The following DISP1 variants were observed in gnomAD, a reference collection of about 807,000 sequenced individuals.
DISP1 encodes the protein dispatched RND transporter family member 1, also known as protein dispatched homolog 1.
Under a neutral mutation model 37.3 loss-of-function variants are expected in DISP1, and 30 were observed. The ratio of observed to expected loss-of-function variants is 0.80; its 90% CI spans 0.60 to 1.09. The LOEUF (loss-of-function observed/expected upper bound fraction) is 1.09, where lower values mean the gene tolerates loss of function less well. DISP1 is among the 50% of genes least tolerant of loss of function. The pLI is 0.00. For synonymous variants in DISP1, 634 were observed against 690.2 expected, an observed-to-expected ratio of 0.92 and a Z score of 1.28; for missense variants, 1,598 against 1,879.5, an observed-to-expected ratio of 0.85 and a Z score of 2.77.
At chr1:222,890,788 A>G (rs377616616) in intron 1 of DISP1, among the ~76,000 whole-genome samples, 1 of 152,146 alleles carries the variant, frequency 6.6e-6, no homozygotes, top group East Asian at 1.9e-4. Flanking sequence ...CCTCTCTCTT[A>G]TCTTCTGGTG....
intron 8 of DISP1, among the ~76,000 whole-genome samples, chr1:222,997,034 GTC>G (rs146684085): frequency 0.011 from 1,669 of 149,304 alleles, 23 homozygotes; most frequent in South Asian, 0.062. Flanking sequence ...CTCTCTCTCT[GTC>G]TCTCTCTCTC....
rs1038547052 is a variant in DISP1 at position 223,002,468 on chromosome 1, C to T, written c.1071C>T (p.Tyr357=). The T allele has an allele frequency of 6.2e-7, 1 of 1,614,060 alleles. No homozygotes were observed. Among genetic ancestry groups the T allele is most frequent in the Non-Finnish European group, 8.5e-7 (1 of 1,180,042 alleles). The change falls in exon 9 of 9, where the codon TAC becomes TAT. Residue 357 remains tyrosine, a synonymous_variant. Transcript: ENST00000675850. ...SCCPSWTLGN[Y]IAILNNRSSC... is the part of the protein sequence containing the mutation. ...GCCCCAGCTGGACACTGGGAAACTA[C>T]ATCGCCATTCTGAACAATAGATCGT...
At chr1:222,979,352 A>G (rs946505) in intron 3 of DISP1, among the ~76,000 whole-genome samples, 148,860 of 152,212 alleles carry the variant, frequency 0.98, 72,871 homozygotes, top group East Asian at 1. Context: ...AATTGAGACT[A>G]CAGTGAGCTG....
chr1:222,922,820 TAAG>T (rs1471499903), intron 1 of DISP1, among the ~76,000 whole-genome samples: 1 of 151,986 alleles, frequency 6.6e-6, no homozygotes, highest in Non-Finnish European at 1.5e-5. Flanking sequence ...ATAACAGAAT[TAAG>T]AAGATCTGCC....
rs574361388 is a variant in DISP1 at position 222,872,063 on chromosome 1, T to C, written c.-158-56367T>C. ...GAGATAATCATGTGGTTTTTGTCTT[T>C]GGTTCTGTTTATATGCTGGATTACG... On this transcript the variant is annotated intron_variant, in intron 1 of 8. Coordinates refer to ENST00000675850, the MANE Select transcript of DISP1 (RefSeq NM_001377229.1). 1.4e-3 allele frequency among the ~76,000 whole-genome samples: 212 copies of C among 152,324 alleles called. 2 individuals carry two copies. Among genetic ancestry groups the C allele is most frequent in the Admixed American group, 0.012 (178 of 15,294 alleles).
At chr1:222,876,473 T>C (rs1012176597) in intron 1 of DISP1, among the ~76,000 whole-genome samples, 4 of 152,152 alleles carry the variant, frequency 2.6e-5, no homozygotes, top group African/African-American at 9.7e-5. Flanking sequence ...GACAAAATGG[T>C]TCACTGCAGC....
At chr1:222,852,140 C>T (rs550440367) in intron 1 of DISP1, among the ~76,000 whole-genome samples, 27 of 151,820 alleles carry the variant, frequency 1.8e-4, no homozygotes, top group African/African-American at 6.0e-4. Flanking sequence ...GCCGAGATCG[C>T]GCCATCGCAC....
intron 1 of DISP1, chr1:222,899,947 T>C (rs1671491507): frequency 6.6e-6 from 1 of 152,094 alleles, no homozygotes; most frequent in Admixed American, 6.6e-5. Flanking sequence ...TAATGAAAAA[T>C]TTCTAAAAAA....
intron 1 of DISP1, among the ~76,000 whole-genome samples, chr1:222,878,033 C>G (rs563624513): frequency 1.3e-5 from 2 of 152,190 alleles, no homozygotes; most frequent in East Asian, 3.9e-4. Flanking sequence ...TTCTGTAGTC[C>G]CCATTGGGTA....
At chr1:222,963,235 G>A (rs984636873) in intron 3 of DISP1, among the ~76,000 whole-genome samples, 22 of 152,142 alleles carry the variant, frequency 1.4e-4, no homozygotes, top group African/African-American at 4.3e-4. Context: ...ACTGTCTCAC[G>A]CCAGTCAAAA....
In DISP1 at chr1:223,003,038, T is replaced by C; in HGVS notation, c.1641T>C (p.Arg547=). The C allele has an allele frequency of 2.5e-6, 4 of 1,614,150 alleles. No individual in the cohort carries two copies. Among genetic ancestry groups the C allele is most frequent in the Non-Finnish European group, 3.4e-6 (4 of 1,180,038 alleles). ...SSLIVSYFLY[R]VVFHFEFFPF... ...TGATTGTTTCCTATTTTCTCTATCGTGTAGTATTTCACTTCGAATTTTTTC... is the reference window on the plus strand; with the variant it reads ...TGATTGTTTCCTATTTTCTCTATCGCGTAGTATTTCACTTCGAATTTTTTC... The change falls in exon 9 of 9, where the codon CGT becomes CGC. Residue 547 remains arginine, a synonymous_variant. Transcript: ENST00000675850. This position sits in a 1 kb window ranked among gnomAD's most constrained non-coding sequence, Gnocchi z 4.3.
At chr1:222,824,141 C>T (rs36066427) in intron 1 of DISP1, among the ~76,000 whole-genome samples, 16,492 of 151,972 alleles carry the variant, frequency 0.11, 1,262 homozygotes, top group South Asian at 0.16. Context: ...ACTTATTTTA[C>T]CTTGTTTTTC....
chr1:222,872,709 T>A (rs1190190585), intron 1 of DISP1, among the ~76,000 whole-genome samples: 1 of 152,196 alleles, frequency 6.6e-6, no homozygotes, highest in Admixed American at 6.5e-5. Context: ...ATTTTGTTGA[T>A]CTTTTCAAAA....
intron 1 of DISP1, among the ~76,000 whole-genome samples, chr1:222,917,681 A>C (rs1355719313): frequency 3.9e-5 from 6 of 152,190 alleles, no homozygotes; most frequent in Non-Finnish European, 7.3e-5. Context: ...GGAGGATGAA[A>C]ATTGCCTTGT....
At chr1:222,946,642 A>G (rs112719885) in intron 3 of DISP1, among the ~76,000 whole-genome samples, 195 of 152,176 alleles carry the variant, frequency 1.3e-3, no homozygotes, top group Non-Finnish European at 2.3e-3. Flanking sequence ...TCATACAGCT[A>G]TAAACTAGTA....
chr1:222,979,501 T>C (rs1051855229), intron 3 of DISP1: 3 of 380,858 alleles, frequency 7.9e-6, no homozygotes, highest in African/African-American at 4.1e-5. Context: ...AAACATGGAA[T>C]TGTACACTTA....
At chr1:222,884,937 C>T (rs951254603) in intron 1 of DISP1, among the ~76,000 whole-genome samples, 9 of 151,994 alleles carry the variant, frequency 5.9e-5, no homozygotes, top group Non-Finnish European at 2.9e-5. Flanking sequence ...CCTGGGTTCA[C>T]GCCATTCTCC....
At chr1:222,825,606 T>G (rs1256392711) in intron 1 of DISP1, among the ~76,000 whole-genome samples, 2 of 151,404 alleles carry the variant, frequency 1.3e-5, no homozygotes, top group African/African-American at 4.9e-5. Context: ...GTTCAAGTGA[T>G]TCTCGTGCCT....
intron 4 of DISP1, among the ~76,000 whole-genome samples, chr1:222,987,075 A>AAT (rs146934603): frequency 0.12 from 18,450 of 150,480 alleles, 1,164 homozygotes; most frequent in East Asian, 0.28. Context: ...AGCATCATCA[A>AAT]ATATATATAT....
Sources: allele counts gnomAD v4.1 joint callset (sites outside exome capture counted in the v4.1 genomes callset), GRCh38; gene constraint gnomAD v4.1.1; non-coding constraint Gnocchi (gnomAD v3.1); transcripts MANE v1.5; gene names NCBI Gene and HGNC (gene_info 2026-07-23, HGNC 2026-07-21).